Variants in TSNARE1 observed in about 807,000 individuals in gnomAD.
TSNARE1 encodes the protein t-SNARE domain containing 1.
Under a neutral mutation model 62.0 loss-of-function variants are expected in TSNARE1, and 49 were observed. That is an observed-to-expected ratio of 0.79 (90% confidence interval 0.63 to 1.00). The LOEUF is 1.00. TSNARE1 is among the 50% of genes least tolerant of loss of function. The probability of loss-of-function intolerance (pLI) is 0.00; values close to 1 mark genes in which losing one functional copy is unlikely to be tolerated. For synonymous variants in TSNARE1, 328 were observed against 294.4 expected (o/e 1.11, Z -1.17); for missense variants, 755 against 700.1 (o/e 1.08, Z -0.88).
chr8:142,256,220 TC>T (rs1818533911), intron 12 of TSNARE1, among the ~76,000 whole-genome samples: 11 of 71,308 alleles, frequency 1.5e-4, no homozygotes, highest in Middle Eastern at 0.011. Flanking sequence ...ACCATCACCA[TC>T]ACTATCACCA....
At chr8:142,346,616 G>A (rs758427414) in intron 2 of TSNARE1, among the ~76,000 whole-genome samples, 3 of 152,236 alleles carry the variant, frequency 2.0e-5, no homozygotes, top group Non-Finnish European at 4.4e-5. Flanking sequence ...TGAGGCCTCC[G>A]AAGCCAGACC....
chr8:142,220,556 A>C (rs1563752957), intron 13 of TSNARE1, among the ~76,000 whole-genome samples: 1 of 152,070 alleles, frequency 6.6e-6, no homozygotes, highest in Non-Finnish European at 1.5e-5. Context: ...CCAGGGAGGG[A>C]GGGCCTCCAG....
At chr8:142,271,595 C>A in intron 12 of TSNARE1, 1 of 1,428,864 alleles carries the variant, frequency 7.0e-7, no homozygotes, top group Non-Finnish European at 9.1e-7. Context: ...GTGGAAGACT[C>A]CTCGTAAGTC....
At chr8:142,320,777 G>A (rs1488581632) in intron 6 of TSNARE1, among the ~76,000 whole-genome samples, 2 of 152,266 alleles carry the variant, frequency 1.3e-5, no homozygotes, top group Non-Finnish European at 2.9e-5. Context: ...AGCTCCCCTG[G>A]GAGGGTCAGG....
intron 10 of TSNARE1, among the ~76,000 whole-genome samples, chr8:142,299,766 A>G (rs1825406231): frequency 6.6e-6 from 1 of 152,238 alleles, no homozygotes; most frequent in Non-Finnish European, 1.5e-5. Flanking sequence ...ACGTGCATGC[A>G]CTCACACACA....
chr8:142,302,333 A>G (rs10099330), intron 9 of TSNARE1, among the ~76,000 whole-genome samples: 80,400 of 152,026 alleles, frequency 0.53, 22,567 homozygotes, highest in African/African-American at 0.72. Flanking sequence ...TCGTCCGGCC[A>G]CTGGTCTTGG....
intron 1 of TSNARE1, among the ~76,000 whole-genome samples, chr8:142,356,742 C>G (rs1376309658): frequency 6.6e-6 from 1 of 152,200 alleles, no homozygotes; most frequent in African/African-American, 2.4e-5. Context: ...GGGCCACAAG[C>G]ATCTTTACCT....
intron 12 of TSNARE1, among the ~76,000 whole-genome samples, chr8:142,259,008 C>T (rs1198765051): frequency 1.3e-5 from 2 of 152,208 alleles, no homozygotes; most frequent in African/African-American, 4.8e-5. Context: ...CCGCTTTGCA[C>T]GGTCCGGCAA....
intron 10 of TSNARE1, among the ~76,000 whole-genome samples, chr8:142,292,107 A>T (rs1385786003): frequency 6.6e-6 from 1 of 152,070 alleles, no homozygotes; most frequent in Non-Finnish European, 1.5e-5. Context: ...AAACCAGGCC[A>T]TGGGAGAGGC....
intron 12 of TSNARE1, among the ~76,000 whole-genome samples, chr8:142,232,541 C>T (rs1177685205): frequency 1.3e-5 from 2 of 152,224 alleles, no homozygotes; most frequent in African/African-American, 4.8e-5. Context: ...GCCAAAGGGG[C>T]GGACCCGGAT....
chr8:142,386,828 C>A (rs1257269467), intron 1 of TSNARE1, among the ~76,000 whole-genome samples: 3 of 152,114 alleles, frequency 2.0e-5, no homozygotes, highest in African/African-American at 4.8e-5. Context: ...CTCACAGGAG[C>A]CACAAGGAGA....
At chr8:142,288,396 G>T (rs563010368) in intron 10 of TSNARE1, among the ~76,000 whole-genome samples, 10 of 152,384 alleles carry the variant, frequency 6.6e-5, no homozygotes. Flanking sequence ...AGACCCTGTG[G>T]TGCCCCCAGG....
At chr8:142,231,472 C>T (rs1057309666) in intron 12 of TSNARE1, among the ~76,000 whole-genome samples, 10 of 152,164 alleles carry the variant, frequency 6.6e-5, no homozygotes, top group Admixed American at 4.6e-4. Flanking sequence ...AAGCCCTCAG[C>T]TTACTGGTTG....
chr8:142,374,575 G>A (rs558783154), intron 1 of TSNARE1, among the ~76,000 whole-genome samples: 2 of 151,324 alleles, frequency 1.3e-5, no homozygotes, highest in East Asian at 2.0e-4. Flanking sequence ...GGCTACTCGG[G>A]AAGCTGAGTT....
intron 10 of TSNARE1, among the ~76,000 whole-genome samples, chr8:142,296,408 A>AGGGGCGGTCACTGTCATGGG (rs1824754409): frequency 3.5e-5 from 1 of 28,948 alleles, no homozygotes; most frequent in African/African-American, 1.5e-4. Flanking sequence ...ACTGTCATGG[A>AGGGGCGGTCACTGTCATGGG]GGAGAGGTGG....
chr8:142,323,312 G>A (rs183496296), intron 6 of TSNARE1, among the ~76,000 whole-genome samples: 5 of 152,314 alleles, frequency 3.3e-5, no homozygotes, highest in Admixed American at 6.5e-5. Flanking sequence ...ATGCGTTTGG[G>A]CAGCACGGGG....
chr8:142,220,771 A>T (rs970357461), intron 13 of TSNARE1, among the ~76,000 whole-genome samples: 2 of 152,212 alleles, frequency 1.3e-5, no homozygotes, highest in Non-Finnish European at 2.9e-5. Flanking sequence ...AGTGCAGCCC[A>T]CCAGGTCTCA....
intron 1 of TSNARE1, among the ~76,000 whole-genome samples, chr8:142,400,459 G>A (rs1838204462): frequency 6.6e-6 from 1 of 151,714 alleles, no homozygotes; most frequent in African/African-American, 2.4e-5. Flanking sequence ...AAATTAAAAG[G>A]GCCGGGCACG....
chr8:142,273,924 G>A (rs1398957223), intron 12 of TSNARE1: 9 of 985,148 alleles, frequency 9.1e-6, no homozygotes, highest in African/African-American at 1.7e-5. Flanking sequence ...TCCTGGGCTC[G>A]TCTGGCTGCT....
Sources: gnomAD v4.1 joint callset for allele counts (sites outside exome capture counted in the v4.1 genomes callset) on GRCh38, gnomAD v4.1.1 for gene constraint, MANE v1.5 for transcripts, NCBI Gene and HGNC (gene_info 2026-07-23, HGNC 2026-07-21) for gene names.